SPRY3: variants seen among roughly 807,000 people sequenced by gnomAD.
SPRY3 encodes the protein protein sprouty homolog 3.
In SPRY3, 15 loss-of-function variants were observed where a neutral mutation model predicts 20.2. The observed-to-expected ratio is 0.74, with a 90% CI of 0.50 to 1.14. The LOEUF (loss-of-function observed/expected upper bound fraction) is 1.14. SPRY3 is among the 50% of genes most tolerant of loss of function. The pLI, the probability that SPRY3 is intolerant of heterozygous loss-of-function variation, is 0.00. For missense variants in SPRY3, 364 were observed against 363.9 expected, an observed-to-expected ratio of 1.00 and a Z score of 0.00; for synonymous variants, 143 against 136.5, an observed-to-expected ratio of 1.05 and a Z score of -0.33.
intron 1 of SPRY3, among the ~76,000 whole-genome samples, chrX:155,648,514 T>C (rs1183620761): frequency 2.7e-5 from 3 of 112,766 alleles, no homozygotes; most frequent in African/African-American, 9.7e-5. Context: ...GTTTTCTGCA[T>C]ATGGCTAGCC....
chrX:155,716,233 CT>C (rs2091021497), intron 2 of SPRY3, among the ~76,000 whole-genome samples: 1 of 152,120 alleles, frequency 6.6e-6, no homozygotes, highest in Non-Finnish European at 1.5e-5. Flanking sequence ...TGATTCCTTC[CT>C]TTGCCATCCC....
intron 2 of SPRY3, among the ~76,000 whole-genome samples, chrX:155,698,170 C>T (rs1304276116): frequency 1.8e-5 from 2 of 111,306 alleles, no homozygotes; most frequent in East Asian, 5.7e-4. Context: ...AGTAGTACCA[C>T]TCATATATGT....
At chrX:155,714,981 C>T (rs2091012052) in intron 2 of SPRY3, among the ~76,000 whole-genome samples, 1 of 152,110 alleles carries the variant, frequency 6.6e-6, no homozygotes, top group Non-Finnish European at 1.5e-5. Flanking sequence ...GCAGTGAACT[C>T]CTCTCTGGCC....
At chrX:155,720,010 G>A (rs1602961901) in intron 2 of SPRY3, among the ~76,000 whole-genome samples, 2 of 152,212 alleles carry the variant, frequency 1.3e-5, no homozygotes, top group East Asian at 3.9e-4. Context: ...CCCAGTTCCA[G>A]GACTTGGCTC....
At chrX:155,747,982 G>A (rs1405551305) in intron 2 of SPRY3, among the ~76,000 whole-genome samples, 3 of 151,774 alleles carry the variant, frequency 2.0e-5, no homozygotes, top group African/African-American at 7.3e-5. Flanking sequence ...ATACTTATAC[G>A]ATTTATATAC....
At chrX:155,767,158 T>G (rs1211814796) in intron 2 of SPRY3, among the ~76,000 whole-genome samples, 1 of 152,008 alleles carries the variant, frequency 6.6e-6, no homozygotes, top group Non-Finnish European at 1.5e-5. Context: ...TCGATTCAAT[T>G]TCATCTGGAT....
At chrX:155,650,015 A>T (rs781888530) in intron 1 of SPRY3, among the ~76,000 whole-genome samples, 46 of 111,485 alleles carry the variant, frequency 4.1e-4, no homozygotes, top group African/African-American at 1.4e-3. Flanking sequence ...CACAATTGCT[A>T]AAAAGAGAAT....
In SPRY3 at chrX:155,741,984, C is replaced by A. The variant is rs1474280519; in HGVS notation, c.-281-25978C>A. On this transcript the variant is annotated intron_variant, in intron 2 of 3. Transcript: ENST00000675360. ...AGCATCATGATGACAGGATCAAATT[C>A]ACGCATAACAATATTAACCTTAAAT... 3.3e-5 allele frequency among the ~76,000 whole-genome samples: 5 copies of A among 152,206 alleles called. No homozygotes were observed. In the East Asian group the frequency reaches 7.7e-4, roughly 24 times the overall value.
At chrX:155,724,349 G>A (rs1238147365) in intron 2 of SPRY3, among the ~76,000 whole-genome samples, 1 of 152,092 alleles carries the variant, frequency 6.6e-6, no homozygotes, top group African/African-American at 2.4e-5. Flanking sequence ...GATGGGGATG[G>A]CATTGAATCT....
exon 4 of SPRY3, chrX:155,773,854 C>A: frequency 6.2e-7 from 1 of 1,607,408 alleles, no homozygotes; most frequent in South Asian, 1.1e-5. Flanking sequence ...CCACTCAGAG[C>A]TAAAAAATCA....
chrX:155,749,745 G>C (rs912828639), intron 2 of SPRY3, among the ~76,000 whole-genome samples: 6 of 151,754 alleles, frequency 4.0e-5, no homozygotes, highest in African/African-American at 1.2e-4. Flanking sequence ...GAATAACTAA[G>C]GTACTGTTTA....
At chrX:155,685,425 A>C (rs867374951) in intron 2 of SPRY3, among the ~76,000 whole-genome samples, 2 of 82,378 alleles carry the variant, frequency 2.4e-5, no homozygotes, top group African/African-American at 9.1e-5. Context: ...TTTAGCTTTT[A>C]TTTTCAGTTC....
chrX:155,672,354 A>C (rs376317962), intron 2 of SPRY3, among the ~76,000 whole-genome samples: 8 of 110,280 alleles, frequency 7.3e-5, no homozygotes, highest in South Asian at 3.9e-4. Context: ...CAATGAACTC[A>C]AACAAATTTA....
intron 2 of SPRY3, among the ~76,000 whole-genome samples, chrX:155,745,906 C>T (rs1222153669): frequency 6.6e-6 from 1 of 151,992 alleles, no homozygotes; most frequent in Non-Finnish European, 1.5e-5. Context: ...TCAGATTCCT[C>T]ATCAGAAGGG....
intron 1 of SPRY3, among the ~76,000 whole-genome samples, chrX:155,642,255 A>G (rs956193708): frequency 1.2e-4 from 14 of 112,029 alleles, no homozygotes; most frequent in African/African-American, 4.2e-4. Flanking sequence ...AATTTCTTCA[A>G]GATTTTCCAA....
At chrX:155,692,302 G>C (rs762052645) in intron 2 of SPRY3, among the ~76,000 whole-genome samples, 5 of 110,748 alleles carry the variant, frequency 4.5e-5, no homozygotes, top group African/African-American at 1.3e-4. Flanking sequence ...AGCACTATTT[G>C]ATGAAAACAC....
At chrX:155,711,812 TTTC>T (rs1252412928) in intron 2 of SPRY3, among the ~76,000 whole-genome samples, 2 of 151,486 alleles carry the variant, frequency 1.3e-5, no homozygotes, top group East Asian at 1.9e-4. Flanking sequence ...TTTTGAAGCT[TTTC>T]TTCTTTTTTG....
intron 1 of SPRY3, among the ~76,000 whole-genome samples, chrX:155,617,560 A>G (rs782636908): frequency 4.5e-5 from 5 of 111,647 alleles, no homozygotes; most frequent in East Asian, 2.8e-4. Flanking sequence ...TTGCAGTCTC[A>G]TTGAACGAAG....
intron 2 of SPRY3, among the ~76,000 whole-genome samples, chrX:155,664,365 T>A (rs1449437175): frequency 9.1e-6 from 1 of 109,711 alleles, no homozygotes; most frequent in African/African-American, 3.3e-5. Context: ...CTTGACATAC[T>A]GATACTAAAA....
Sources: gnomAD v4.1 joint callset for allele counts (sites outside exome capture counted in the v4.1 genomes callset) on GRCh38, gnomAD v4.1.1 for gene constraint, MANE v1.5 for transcripts, NCBI Gene and HGNC (gene_info 2026-07-23, HGNC 2026-07-21) for gene names.